The following PDE4D variants were observed in gnomAD, a reference collection of about 807,000 sequenced individuals.
PDE4D encodes phosphodiesterase 4D, also known as 3',5'-cyclic-AMP phosphodiesterase 4D.
In PDE4D, 24 loss-of-function variants were observed where a neutral mutation model predicts 87.4. The ratio of observed to expected loss-of-function variants is 0.27; its 90% CI spans 0.20 to 0.39. The LOEUF is 0.39. PDE4D is among the 10% of genes least tolerant of loss of function. PDE4D has a pLI of 1.00. For missense variants in PDE4D, 714 were observed against 1,041.0 expected, an observed-to-expected ratio of 0.69 and a Z score of 4.32; for synonymous variants, 384 against 383.2, an observed-to-expected ratio of 1.00 and a Z score of -0.02.
At chr5:60,274,523 G>A (rs934259456) in intron 1 of PDE4D, among the ~76,000 whole-genome samples, 1 of 152,118 alleles carries the variant, frequency 6.6e-6, no homozygotes. Context: ...ACCACGCCCA[G>A]CTAATTTTTG....
chr5:60,392,668 G>C (rs1337807486), intron 1 of PDE4D, among the ~76,000 whole-genome samples: 2 of 152,142 alleles, frequency 1.3e-5, no homozygotes, highest in East Asian at 3.9e-4. Flanking sequence ...CTGCTATGTA[G>C]CTATAAATCC....
chr5:59,807,352 A>G (rs1464673529), intron 1 of PDE4D, among the ~76,000 whole-genome samples: 1 of 152,176 alleles, frequency 6.6e-6, no homozygotes, highest in African/African-American at 2.4e-5. Context: ...ATCAGCTAAC[A>G]GGGCCTGTGG....
intron 3 of PDE4D, among the ~76,000 whole-genome samples, chr5:59,967,986 T>A (rs1242120131): frequency 7.1e-6 from 1 of 141,364 alleles, no homozygotes; most frequent in East Asian, 2.1e-4. Flanking sequence ...TTTTTTTTTT[T>A]TTTTTTTTTT....
At chr5:60,380,600 G>A (rs1442400836) in intron 1 of PDE4D, among the ~76,000 whole-genome samples, 3 of 152,166 alleles carry the variant, frequency 2.0e-5, no homozygotes, top group Non-Finnish European at 4.4e-5. Context: ...ACAAACGGCA[G>A]CATCAAGAAA....
Position 60,317,988 on chromosome 5 carries a change from A to G in PDE4D, c.-89-132301T>C, listed in dbSNP as rs187894419. 3.9e-5 allele frequency among the ~76,000 whole-genome samples: 6 copies of G among 152,308 alleles called. No homozygotes were observed. The East Asian group carries it at 1.2e-3, about 29-fold the overall frequency. ...GTAGATTTGGGGTGGAGAGTTCTGTAGATGTCTATTAGGTCTGCTTGGTGC... is the reference window on the plus strand; with the variant it reads ...GTAGATTTGGGGTGGAGAGTTCTGTGGATGTCTATTAGGTCTGCTTGGTGC... On this transcript the variant is annotated intron_variant, in intron 1 of 16. Transcript: ENST00000502484.
At chr5:60,119,405 G>C (rs151106495) in intron 2 of PDE4D, among the ~76,000 whole-genome samples, 1,917 of 152,266 alleles carry the variant, frequency 0.013, 31 homozygotes, top group Non-Finnish European at 0.016. Flanking sequence ...CCAAAGGCTG[G>C]ATATCTTTCC....
At chr5:59,675,004 T>A (rs73758846) in intron 1 of PDE4D, among the ~76,000 whole-genome samples, 6,486 of 152,276 alleles carry the variant, frequency 0.043, 488 homozygotes, top group African/African-American at 0.15. Context: ...TCACATACTA[T>A]CTATACCTAC....
intron 1 of PDE4D, among the ~76,000 whole-genome samples, chr5:59,665,707 T>C (rs976066245): frequency 1.5e-4 from 23 of 152,176 alleles, no homozygotes; most frequent in African/African-American, 5.6e-4. Context: ...TGTTAGGAGG[T>C]AGGGCCTTTG....
chr5:60,368,742 G>T (rs1405786646), intron 1 of PDE4D, among the ~76,000 whole-genome samples: 1 of 152,080 alleles, frequency 6.6e-6, no homozygotes, highest in East Asian at 1.9e-4. Context: ...CTTCTCAGAA[G>T]ACTTGGTTGT....
intron 1 of PDE4D, among the ~76,000 whole-genome samples, chr5:59,874,957 G>C (rs1022668682): frequency 2.6e-5 from 4 of 152,194 alleles, no homozygotes; most frequent in Non-Finnish European, 5.9e-5. Context: ...TAAGTGCACA[G>C]GGTACAAAAG....
intron 1 of PDE4D, among the ~76,000 whole-genome samples, chr5:59,794,398 G>A (rs1187790998): frequency 6.6e-6 from 1 of 152,082 alleles, no homozygotes; most frequent in Non-Finnish European, 1.5e-5. Flanking sequence ...CAGCCATGTC[G>A]CTGAGATGCC....
intron 2 of PDE4D, among the ~76,000 whole-genome samples, chr5:60,028,222 T>A (rs111467778): frequency 6.6e-6 from 1 of 152,164 alleles, no homozygotes; most frequent in African/African-American, 2.4e-5. Context: ...TTTTCTTCTA[T>A]CTTTTCTGTC....
intron 5 of PDE4D, chr5:59,039,679 T>G (rs773790679): frequency 1.1e-4 from 27 of 236,134 alleles, no homozygotes; most frequent in Non-Finnish European, 1.8e-4. Context: ...CCTGTCCCTG[T>G]CCGTGCCACC....
intron 2 of PDE4D, among the ~76,000 whole-genome samples, chr5:59,202,032 C>CTTTT (rs1491303567): frequency 0.011 from 356 of 31,384 alleles, 3 homozygotes; most frequent in Middle Eastern, 0.024. Context: ...GTGTTTTGAT[C>CTTTT]ATTTTTTTTT....
intron 7 of PDE4D, among the ~76,000 whole-genome samples, chr5:58,992,252 T>C (rs1431575887): frequency 1.3e-5 from 2 of 152,192 alleles, no homozygotes; most frequent in Admixed American, 6.6e-5. Flanking sequence ...GGTTACCTCT[T>C]TGATACAATG....
At chr5:59,216,062 G>A (rs1427817938) in intron 1 of PDE4D, 94 bp from the exon 2 acceptor site, 9 of 779,008 alleles carry the variant, frequency 1.2e-5, no homozygotes, top group Non-Finnish European at 1.8e-5. Context: ...ACTGACAGTG[G>A]AATTAGCAGG....
chr5:60,481,840 T>A (rs1221017715), intron 1 of PDE4D, among the ~76,000 whole-genome samples: 1 of 152,208 alleles, frequency 6.6e-6, no homozygotes, highest in Non-Finnish European at 1.5e-5. Flanking sequence ...TGGAAATTTT[T>A]TAACATATGG....
chr5:60,421,961 G>T (rs1368997123), intron 1 of PDE4D, among the ~76,000 whole-genome samples: 2 of 152,116 alleles, frequency 1.3e-5, no homozygotes, highest in Non-Finnish European at 2.9e-5. Context: ...AAGATCAAAT[G>T]AATGAAATAA....
At chr5:60,100,879 G>A (rs1345867307) in intron 2 of PDE4D, among the ~76,000 whole-genome samples, 1 of 152,070 alleles carries the variant, frequency 6.6e-6, no homozygotes, top group Non-Finnish European at 1.5e-5. Flanking sequence ...CACAAAGGAT[G>A]TTAACCTTCT....
Sources: allele counts gnomAD v4.1 joint callset (sites outside exome capture counted in the v4.1 genomes callset), GRCh38; gene constraint gnomAD v4.1.1; transcripts MANE v1.5; gene names NCBI Gene and HGNC (gene_info 2026-07-23, HGNC 2026-07-21).